Variants in PARD3B observed in about 807,000 individuals in gnomAD.
PARD3B encodes the protein par-3 family cell polarity regulator beta.
A neutral mutation model predicts 130.2 loss-of-function variants in PARD3B; 103 were observed. The ratio of observed to expected loss-of-function variants is 0.79; its 90% CI spans 0.67 to 0.93. PARD3B has a LOEUF of 0.93. Among genes scored for constraint, PARD3B ranks in the 40% least tolerant of loss-of-function variants. The pLI is 0.00. For synonymous variants in PARD3B, 583 were observed against 553.2 expected, an observed-to-expected ratio of 1.05 and a Z score of -0.76; for missense variants, 1,609 against 1,499.2, an observed-to-expected ratio of 1.07 and a Z score of -1.21.
At chr2:205,410,945 T>C (rs1310456179) in intron 19 of PARD3B, among the ~76,000 whole-genome samples, 1 of 152,172 alleles carries the variant, frequency 6.6e-6, no homozygotes, top group Non-Finnish European at 1.5e-5. Context: ...AATACTAACC[T>C]AGGCCTGTGA....
chr2:205,546,546 G>C (rs1362809555), intron 21 of PARD3B, among the ~76,000 whole-genome samples: 1 of 152,110 alleles, frequency 6.6e-6, no homozygotes, highest in African/African-American at 2.4e-5. Context: ...GAATATTTCT[G>C]AGCCTTGTTG....
At chr2:204,563,214 GCTGTCTCTCTCTCTCT>G (rs1302587171) in intron 1 of PARD3B, among the ~76,000 whole-genome samples, 34 of 55,056 alleles carry the variant, frequency 6.2e-4, no homozygotes, top group African/African-American at 1.9e-3. Context: ...CCGTCTTCCC[GCTGTCTCTCTCTCTCT>G]CTCTCTCTCT....
chr2:205,037,625 T>C (rs1698092747), intron 3 of PARD3B, among the ~76,000 whole-genome samples: 1 of 148,362 alleles, frequency 6.7e-6, no homozygotes. Flanking sequence ...TTATATATAG[T>C]CGACTGTATA....
intron 1 of PARD3B, among the ~76,000 whole-genome samples, chr2:204,684,698 G>A (rs902989257): frequency 2.0e-5 from 3 of 152,168 alleles, no homozygotes; most frequent in African/African-American, 7.2e-5. Flanking sequence ...AATGAGAGTT[G>A]TGTGTCTTTC....
intron 2 of PARD3B, among the ~76,000 whole-genome samples, chr2:204,754,006 A>G (rs1005069348): frequency 2.6e-5 from 4 of 152,212 alleles, no homozygotes; most frequent in Non-Finnish European, 5.9e-5. Flanking sequence ...TAGTCTGCAT[A>G]GCTGCAGCCA....
At position 204,678,394 on chromosome 2, in the gene PARD3B, T is replaced by A. The variant is rs2036655746; in HGVS notation, c.121-7787T>A. 6.6e-6 allele frequency among the ~76,000 whole-genome samples: 1 copy of A among 152,176 alleles called. No individual in the cohort carries two copies. The highest frequency in any genetic ancestry group is 2.1e-4 in the South Asian group (1 of 4,828). Reference sequence around the variant, plus strand: ...TGGAGAGTCAGGGTGACATATACCCTGCCCTCTTGGTACCCGGGTTCTTGT... The same window carrying A: ...TGGAGAGTCAGGGTGACATATACCCAGCCCTCTTGGTACCCGGGTTCTTGT... On this transcript the variant is annotated intron_variant, in intron 1 of 22. Transcript: ENST00000406610. This position sits in a 1 kb window ranked among gnomAD's most constrained non-coding sequence, Gnocchi z 4.2.
chr2:204,745,361 C>CTA (rs1347293222), intron 2 of PARD3B, among the ~76,000 whole-genome samples: 1 of 151,918 alleles, frequency 6.6e-6, no homozygotes, highest in African/African-American at 2.4e-5. Flanking sequence ...TTTTTGCATA[C>CTA]GTTACTTCCA....
chr2:205,581,257 T>TATAG (rs1553552260), intron 22 of PARD3B, among the ~76,000 whole-genome samples: 2 of 120,928 alleles, frequency 1.7e-5, no homozygotes, highest in East Asian at 2.2e-4. Flanking sequence ...TATAGATATA[T>TATAG]ATAGATATAG....
At chr2:204,601,234 G>A (rs1236530697) in intron 1 of PARD3B, among the ~76,000 whole-genome samples, 1 of 151,860 alleles carries the variant, frequency 6.6e-6, no homozygotes. Context: ...TAGTTGGAGA[G>A]GTTAATATGG....
At chr2:204,992,869 GCTCT>G (rs1334445314) in intron 3 of PARD3B, among the ~76,000 whole-genome samples, 1 of 140,572 alleles carries the variant, frequency 7.1e-6, no homozygotes, top group African/African-American at 2.6e-5. Context: ...TCATGATTTG[GCTCT>G]CTGTTTGTCT....
At chr2:205,170,540 C>G (rs1258344729) in intron 11 of PARD3B, among the ~76,000 whole-genome samples, 1 of 152,190 alleles carries the variant, frequency 6.6e-6, no homozygotes, top group Non-Finnish European at 1.5e-5. Context: ...CCCCTGCAAT[C>G]CCACGTGGCT....
At chr2:205,383,113 T>TAGATAGATAGATAGATAGATAGAGAGAG (rs1553500338) in intron 18 of PARD3B, among the ~76,000 whole-genome samples, 5 of 149,448 alleles carry the variant, frequency 3.3e-5, no homozygotes, top group Admixed American at 2.0e-4. Flanking sequence ...GATAGATAGA[T>TAGATAGATAGATAGATAGATAGAGAGAG]AGATAGATAG....
chr2:205,001,077 C>A (rs1307965806), intron 3 of PARD3B, among the ~76,000 whole-genome samples: 1 of 152,140 alleles, frequency 6.6e-6, no homozygotes, highest in Non-Finnish European at 1.5e-5. Flanking sequence ...CAACCTCTGC[C>A]TCCCAGGTTC....
At chr2:204,761,813 T>C (rs1353097442) in intron 2 of PARD3B, among the ~76,000 whole-genome samples, 1 of 152,144 alleles carries the variant, frequency 6.6e-6, no homozygotes, top group East Asian at 1.9e-4. Context: ...TTATCTGACA[T>C]GTAAATAGTT....
chr2:204,585,197 G>A lies in PARD3B; in HGVS notation c.120+39078G>A, dbSNP rs188196943. 3.2e-3 allele frequency among the ~76,000 whole-genome samples: 481 copies of A among 152,300 alleles called. 5 individuals are homozygous for A. Among genetic ancestry groups the A allele is most frequent in the African/African-American group, 0.011 (453 of 41,574 alleles). ...CTTCCTATTGGCCCAGACCAGTTGGGAAGTGTGGTTTCCTTCAGGACAATG... is the reference window on the plus strand; with the variant it reads ...CTTCCTATTGGCCCAGACCAGTTGGAAAGTGTGGTTTCCTTCAGGACAATG... On this transcript the variant is annotated intron_variant, in intron 1 of 22. Coordinates refer to ENST00000406610, the MANE Select transcript of PARD3B (RefSeq NM_001302769.2).
intron 2 of PARD3B, among the ~76,000 whole-genome samples, chr2:204,930,972 G>C (rs9784034): frequency 0.068 from 10,391 of 152,130 alleles, 414 homozygotes; most frequent in Middle Eastern, 0.12. Flanking sequence ...TGATAATACA[G>C]GCTTTTGCCT....
chr2:204,965,204 G>C lies in PARD3B; in HGVS notation c.275G>C (p.Ser92Thr), dbSNP rs1168635893. ...CCACTCCACAAGATTGAGAGCCCCA[G>C]TGGAAACCCTGCAGATCGGCAGAGC... ...QEPLHKIESP[S>T]GNPADRQSPD... is the part of the protein sequence containing the mutation. The change falls in exon 3 of 23, where the codon AGT (serine) becomes ACT (threonine). Residue 92 changes from serine to threonine, a missense_variant. Physicochemically the swap from Ser to Thr is moderately conservative, Grantham distance 58 (BLOSUM62 1). Transcript: ENST00000406610. The C allele has an allele frequency of 6.2e-7, 1 of 1,613,984 alleles. No individual in the cohort carries two copies. The highest frequency in any genetic ancestry group is 1.7e-5 in the Admixed American group (1 of 59,980).
intron 1 of PARD3B, among the ~76,000 whole-genome samples, chr2:204,594,825 T>C (rs929690516): frequency 2.0e-5 from 3 of 152,202 alleles, no homozygotes; most frequent in Non-Finnish European, 4.4e-5. Context: ...GTACTTGAAA[T>C]TCTGCAGTGT....
chr2:205,017,329 C>T (rs1400416755), intron 3 of PARD3B, among the ~76,000 whole-genome samples: 1 of 152,116 alleles, frequency 6.6e-6, no homozygotes, highest in Non-Finnish European at 1.5e-5. Flanking sequence ...ATTCAGTGAG[C>T]AAAAATTTAT....
Sources: allele counts gnomAD v4.1 joint callset (sites outside exome capture counted in the v4.1 genomes callset), GRCh38; gene constraint gnomAD v4.1.1; non-coding constraint Gnocchi (gnomAD v3.1); transcripts MANE v1.5; gene names NCBI Gene and HGNC (gene_info 2026-07-23, HGNC 2026-07-21).